Variants in PECAM1 observed in about 807,000 individuals in gnomAD.
The protein encoded by PECAM1 is platelet and endothelial cell adhesion molecule 1.
A neutral mutation model predicts 13.8 loss-of-function variants in PECAM1; 8 were observed. That is an observed-to-expected ratio of 0.58 (90% CI 0.34 to 1.05). PECAM1 has a LOEUF of 1.05. Among genes scored for constraint, PECAM1 ranks in the 50% least tolerant of loss-of-function variants. The probability of loss-of-function intolerance (pLI) is 0.03; values close to 1 mark genes in which losing one functional copy is unlikely to be tolerated. For synonymous variants in PECAM1, 136 were observed against 52.6 expected (o/e 2.58, Z -6.86); for missense variants, 304 against 141.2 (o/e 2.15, Z -5.84).
At position 64,323,426 on chromosome 17, in the gene PECAM1, G is replaced by C. The variant is rs2034855355; in HGVS notation, c.*390C>G. ...TCTAACCAGGCCATGCGCTAGAAATGATTGAGTATAAAAAAGAAAATTGGT... is the reference window on the plus strand; with the variant it reads ...TCTAACCAGGCCATGCGCTAGAAATCATTGAGTATAAAAAAGAAAATTGGT... On this transcript the variant is annotated 3_prime_UTR_variant, in exon 16 of 16. Coordinates refer to ENST00000563924, the MANE Select transcript of PECAM1 (RefSeq NM_000442.5). 2.6e-6 allele frequency: 3 copies of C among 1,144,388 alleles called. No individual in the cohort carries two copies. Among genetic ancestry groups the C allele is most frequent in the Non-Finnish European group, 2.2e-6 (2 of 924,382 alleles). 70.9% of individuals were successfully genotyped at this position (1,144,388 alleles called of 1,614,324 possible). A position where few individuals can be genotyped will look rare whatever the true frequency, so the allele number is the denominator to read the frequency against.
intron 3 of PECAM1, among the ~76,000 whole-genome samples, chr17:64,375,561 T>G (rs2036338083): frequency 6.6e-6 from 1 of 152,104 alleles, no homozygotes; most frequent in Non-Finnish European, 1.5e-5. Context: ...ACTAGGCACT[T>G]TGAAATATAT....
In PECAM1 at chr17:64,356,338, T is replaced by A; in HGVS notation, c.1553A>T (p.Asp518Val). 2.1e-6 allele frequency: 1 copy of A among 473,990 alleles called. No homozygotes were observed. Among genetic ancestry groups the A allele is most frequent in the Non-Finnish European group, 3.9e-6 (1 of 258,622 alleles). 29.4% of individuals were successfully genotyped at this position (473,990 alleles called of 1,614,324 possible). The change falls in exon 8 of 16, where the codon GAC becomes GTC. Residue 518 changes from aspartate to valine, a missense_variant. Coordinates refer to ENST00000563924, the MANE Select transcript of PECAM1 (RefSeq NM_000442.5). ...ATTCACAGCACATTGCAGCACAATGTCCTCTCCAGACTCCACCACCTTACT... is the reference window on the plus strand; with the variant it reads ...ATTCACAGCACATTGCAGCACAATGACCTCTCCAGACTCCACCACCTTACT... ...LSSKVVESGE[D>V]IVLQCAVNEG...
At chr17:64,356,426 G>C (rs1432208114) in intron 7 of PECAM1, 28 bp from the exon 8 acceptor site, 5 of 445,976 alleles carry the variant, frequency 1.1e-5, no homozygotes, top group African/African-American at 2.0e-5. Flanking sequence ...GATTCACACT[G>C]AGCAAAGAAG....
intron 13 of PECAM1, among the ~76,000 whole-genome samples, chr17:64,342,750 C>T (rs2035466748): frequency 6.6e-6 from 1 of 152,080 alleles, no homozygotes; most frequent in African/African-American, 2.4e-5. Context: ...GGGCGCCCTT[C>T]CTGCCATCTG....
intron 11 of PECAM1, among the ~76,000 whole-genome samples, chr17:64,351,523 G>A (rs1197947707): frequency 1.3e-5 from 2 of 152,078 alleles, no homozygotes; most frequent in Admixed American, 1.3e-4. Context: ...CCAGGAGTCT[G>A]AAACCAGCAT....
At chr17:64,389,020 T>G (rs1443256114) in intron 2 of PECAM1, among the ~76,000 whole-genome samples, 7 of 152,258 alleles carry the variant, frequency 4.6e-5, no homozygotes, top group Non-Finnish European at 1.0e-4. Context: ...AGGATAATTA[T>G]GAAGATTATG....
At chr17:64,327,367 T>G (rs2034986051) in intron 15 of PECAM1, among the ~76,000 whole-genome samples, 1 of 152,222 alleles carries the variant, frequency 6.6e-6, no homozygotes, top group Non-Finnish European at 1.5e-5. Context: ...TTATCATCAT[T>G]GTCATCACCA....
At chr17:64,369,674 T>C (rs960984434) in intron 5 of PECAM1, 76 bp downstream of exon 5, 6 of 398,246 alleles carry the variant, frequency 1.5e-5, no homozygotes, top group South Asian at 1.3e-4. Context: ...CAGCTCTCTT[T>C]GGCCATGCTG....
chr17:64,381,291 C>T (rs1053043440), intron 2 of PECAM1, among the ~76,000 whole-genome samples: 1 of 152,222 alleles, frequency 6.6e-6, no homozygotes, highest in African/African-American at 2.4e-5. Flanking sequence ...TGTTAACACA[C>T]AGCAAAAATT....
intron 14 of PECAM1, among the ~76,000 whole-genome samples, chr17:64,333,067 C>T (rs2035172246): frequency 6.6e-6 from 1 of 152,200 alleles, no homozygotes; most frequent in Admixed American, 6.5e-5. Context: ...GCATGAGAAT[C>T]ACTTGGACCC....
chr17:64,347,496 C>A (rs1311747851), intron 13 of PECAM1, among the ~76,000 whole-genome samples: 1 of 144,700 alleles, frequency 6.9e-6, no homozygotes, highest in Non-Finnish European at 1.5e-5. Context: ...CGCAACTGCA[C>A]TCCAGCCTGG....
At chr17:64,367,845 TA>T (rs2143838141) in intron 5 of PECAM1, among the ~76,000 whole-genome samples, 2 of 152,164 alleles carry the variant, frequency 1.3e-5, no homozygotes, top group East Asian at 3.9e-4. Context: ...ATTGTATCAG[TA>T]AAAAAATACC....
At chr17:64,361,796 T>G (rs2035989863) in intron 6 of PECAM1, among the ~76,000 whole-genome samples, 2 of 150,678 alleles carry the variant, frequency 1.3e-5, no homozygotes, top group African/African-American at 4.9e-5. Flanking sequence ...GTCTTCTTAG[T>G]GCTTCAGCCT....
chr17:64,344,449 G>A (rs1009820733), intron 13 of PECAM1, among the ~76,000 whole-genome samples: 10 of 152,160 alleles, frequency 6.6e-5, no homozygotes, highest in African/African-American at 2.2e-4. Flanking sequence ...CAACGTCATG[G>A]GGTTTTCCCA....
chr17:64,350,441 A>G lies in PECAM1; in HGVS notation c.1991-8T>C, dbSNP rs932893052. 24 of 429,014 alleles carry G rather than the reference A, an allele frequency of 5.6e-5. No homozygotes were observed. The highest frequency in any genetic ancestry group is 1.0e-4 in the Non-Finnish European group (24 of 233,764). The allele number at this position is 429,014 out of a possible 1,614,324, so 26.6% of individuals were successfully genotyped here. A position where few individuals can be genotyped will look rare whatever the true frequency, so the allele number is the denominator to read the frequency against. Reference sequence around the variant, plus strand: ...TGACATCGTCATTGTGACCTAGTTGAAAAATAACAATTAGGGTGAGTGACA... The same window carrying G: ...TGACATCGTCATTGTGACCTAGTTGGAAAATAACAATTAGGGTGAGTGACA... On this transcript the variant is annotated splice_polypyrimidine_tract_variant and splice_region_variant and intron_variant, in intron 11 of 15. Coordinates refer to ENST00000563924, the MANE Select transcript of PECAM1 (RefSeq NM_000442.5).
chr17:64,325,387 C>CA (rs71297991), intron 15 of PECAM1, among the ~76,000 whole-genome samples: 13,485 of 149,154 alleles, frequency 0.09, 633 homozygotes, highest in Non-Finnish European at 0.11. Context: ...GACTCCGTCT[C>CA]AAAAAAAAAG....
chr17:64,373,904 G>A (rs1419988460), intron 4 of PECAM1, among the ~76,000 whole-genome samples: 1 of 152,110 alleles, frequency 6.6e-6, no homozygotes, highest in Non-Finnish European at 1.5e-5. Context: ...CCTGGGAGTG[G>A]CTGACTACCT....
intron 2 of PECAM1, among the ~76,000 whole-genome samples, chr17:64,384,827 T>A (rs8067268): frequency 0.95 from 144,181 of 152,316 alleles, 68,753 homozygotes; most frequent in East Asian, 1. Flanking sequence ...TAAATTGTTA[T>A]GCAGCAATAG....
intron 14 of PECAM1, among the ~76,000 whole-genome samples, chr17:64,338,203 T>A (rs2035332737): frequency 2.0e-5 from 3 of 150,822 alleles, no homozygotes; most frequent in African/African-American, 7.3e-5. Flanking sequence ...GCCCAGCTAA[T>A]TTTTGTTTTT....
Sources: allele counts gnomAD v4.1 joint callset (sites outside exome capture counted in the v4.1 genomes callset), GRCh38; gene constraint gnomAD v4.1.1; transcripts MANE v1.5; gene names NCBI Gene and HGNC (gene_info 2026-07-23, HGNC 2026-07-21).